BBS9: variants seen among roughly 807,000 people sequenced by gnomAD.
BBS9 encodes the protein Bardet-Biedl syndrome 9.
In BBS9, 89 loss-of-function variants were observed where a neutral mutation model predicts 117.7. The ratio of observed to expected loss-of-function variants is 0.76; its 90% CI spans 0.64 to 0.90. BBS9 has a LOEUF of 0.90. Among genes scored for constraint, BBS9 ranks in the 40% least tolerant of loss-of-function variants. The pLI, the probability that BBS9 is intolerant of heterozygous loss-of-function variation, is 0.00. For synonymous variants in BBS9, 379 were observed against 370.9 expected (o/e 1.02, Z -0.25); for missense variants, 982 against 1,042.2 (o/e 0.94, Z 0.80).
At chr7:33,420,930 C>T (rs1383752112) in intron 19 of BBS9, among the ~76,000 whole-genome samples, 1 of 152,274 alleles carries the variant, frequency 6.6e-6, no homozygotes, top group East Asian at 1.9e-4. Context: ...ACAAGCCGGC[C>T]ACTATTCTTT....
Position 33,185,290 on chromosome 7 carries a change from G to T in BBS9, c.442+7699G>T, listed in dbSNP as rs1257072715. Among the ~76,000 whole-genome samples, 3 of 151,992 alleles carry T rather than the reference G, an allele frequency of 2.0e-5. No individual in the cohort carries two copies. The East Asian group carries it at 5.8e-4, about 29-fold the overall frequency. On this transcript the variant is annotated intron_variant, in intron 5 of 22. Coordinates refer to ENST00000242067, the MANE Select transcript of BBS9 (RefSeq NM_198428.3). ...TGGGAATGCAGCCCAGTAGGTCTCA[G>T]CCTCATTTTACCCAGTCCCTATTCA... is the stretch of plus-strand genomic sequence containing the variant.
intron 4 of BBS9, among the ~76,000 whole-genome samples, chr7:33,162,796 T>C (rs1795055341): frequency 2.0e-5 from 3 of 151,944 alleles, no homozygotes; most frequent in Admixed American, 1.3e-4. Context: ...TTGATTTCCC[T>C]TTTTCCTAAT....
intron 19 of BBS9, among the ~76,000 whole-genome samples, chr7:33,494,277 C>T (rs1336855599): frequency 6.6e-6 from 1 of 152,022 alleles, no homozygotes; most frequent in African/African-American, 2.4e-5. Context: ...GGGGCAGCCC[C>T]AACAACAACA....
intron 21 of BBS9, among the ~76,000 whole-genome samples, chr7:33,547,272 G>A (rs553532888): frequency 4.1e-4 from 63 of 152,182 alleles, no homozygotes; most frequent in African/African-American, 1.5e-3. Flanking sequence ...ATATAGGAAA[G>A]CAAATAAATG....
intron 19 of BBS9, among the ~76,000 whole-genome samples, chr7:33,476,102 T>A (rs1841764036): frequency 6.6e-6 from 1 of 152,220 alleles, no homozygotes; most frequent in Non-Finnish European, 1.5e-5. Flanking sequence ...AAAATAATTT[T>A]TTTACAAAAT....
At chr7:33,619,638 A>G (rs1157334534) in intron 21 of BBS9, among the ~76,000 whole-genome samples, 2 of 152,212 alleles carry the variant, frequency 1.3e-5, no homozygotes, top group Non-Finnish European at 2.9e-5. Flanking sequence ...ATCCAAGAAG[A>G]TTGACATAAT....
chr7:33,333,107 A>G (rs1814487252), intron 9 of BBS9, among the ~76,000 whole-genome samples: 1 of 152,110 alleles, frequency 6.6e-6, no homozygotes, highest in Admixed American at 6.6e-5. Flanking sequence ...GTTTTTGCTT[A>G]CATGGATAAG....
At chr7:33,564,776 C>T (rs1017823191) in intron 21 of BBS9, among the ~76,000 whole-genome samples, 5 of 152,086 alleles carry the variant, frequency 3.3e-5, no homozygotes, top group African/African-American at 4.8e-5. Context: ...TGTTGCCTTA[C>T]CAGGCATTTG....
intron 21 of BBS9, among the ~76,000 whole-genome samples, chr7:33,571,359 A>G (rs182810868): frequency 0.023 from 3,560 of 152,134 alleles, 46 homozygotes; most frequent in East Asian, 0.046. Flanking sequence ...TAGAGAAAAA[A>G]CAGAAAATAT....
chr7:33,557,023 C>T (rs1240852647), intron 21 of BBS9, among the ~76,000 whole-genome samples: 1 of 152,154 alleles, frequency 6.6e-6, no homozygotes, highest in African/African-American at 2.4e-5. Flanking sequence ...CTTAAGCCCC[C>T]TTTTCTGAGC....
At chr7:33,375,599 T>C (rs553839612) in intron 17 of BBS9, among the ~76,000 whole-genome samples, 353 of 143,794 alleles carry the variant, frequency 2.5e-3, no homozygotes, top group African/African-American at 8.9e-3. Context: ...TTCTTTCTTT[T>C]TTTTTTTTTT....
At chr7:33,134,585 A>C (rs1042111381) in intron 1 of BBS9, among the ~76,000 whole-genome samples, 7 of 152,004 alleles carry the variant, frequency 4.6e-5, no homozygotes, top group African/African-American at 7.2e-5. Flanking sequence ...GATAAAGTCT[A>C]CTTTATTCAT....
chr7:33,518,570 G>T (rs553727957), intron 20 of BBS9, among the ~76,000 whole-genome samples: 1 of 152,136 alleles, frequency 6.6e-6, no homozygotes, highest in African/African-American at 2.4e-5. Context: ...ATTATCACTT[G>T]AGTGTCAGCT....
chr7:33,259,938 T>C (rs1797695228), intron 6 of BBS9, among the ~76,000 whole-genome samples: 1 of 151,918 alleles, frequency 6.6e-6, no homozygotes, highest in East Asian at 1.9e-4. Flanking sequence ...CTCATATCTT[T>C]TCTTTTAAAA....
intron 4 of BBS9, among the ~76,000 whole-genome samples, chr7:33,172,419 G>T (rs545148070): frequency 6.6e-6 from 1 of 151,348 alleles, no homozygotes; most frequent in Non-Finnish European, 1.5e-5. Flanking sequence ...AAAAGAACAC[G>T]ACTCTAGACC....
chr7:33,334,494 G>T (rs1304077811), intron 9 of BBS9, among the ~76,000 whole-genome samples: 2 of 152,136 alleles, frequency 1.3e-5, no homozygotes, highest in African/African-American at 4.8e-5. Context: ...ACAGACTACA[G>T]TCACAACTCA....
chr7:33,442,344 G>A (rs1005147041), intron 19 of BBS9, among the ~76,000 whole-genome samples: 1 of 152,186 alleles, frequency 6.6e-6, no homozygotes, highest in African/African-American at 2.4e-5. Context: ...GCATAATTCA[G>A]GCTGTAAAAT....
intron 19 of BBS9, among the ~76,000 whole-genome samples, chr7:33,425,326 C>T (rs931106413): frequency 6.6e-6 from 1 of 152,144 alleles, no homozygotes. Context: ...ATAATACAAA[C>T]AGGCACACTT....
At chr7:33,238,205 C>A (rs1197173398) in intron 5 of BBS9, among the ~76,000 whole-genome samples, 1 of 152,146 alleles carries the variant, frequency 6.6e-6, no homozygotes, top group African/African-American at 2.4e-5. Flanking sequence ...AAAATGTGTG[C>A]CCAAACTTTG....
Sources: gnomAD v4.1 joint callset for allele counts (sites outside exome capture counted in the v4.1 genomes callset) on GRCh38, gnomAD v4.1.1 for gene constraint, MANE v1.5 for transcripts, NCBI Gene and HGNC (gene_info 2026-07-23, HGNC 2026-07-21) for gene names.